The following TLL1 variants were observed in gnomAD, a reference collection of about 807,000 sequenced individuals.
TLL1 encodes the protein tolloid like 1.
In TLL1, 49 loss-of-function variants were observed where a neutral mutation model predicts 128.2. The ratio of observed to expected loss-of-function variants is 0.38; its 90% confidence interval spans 0.30 to 0.48. The LOEUF (loss-of-function observed/expected upper bound fraction) is 0.48. Among genes scored for constraint, TLL1 ranks in the 20% least tolerant of loss-of-function variants. TLL1 has a pLI of 0.96. For missense variants in TLL1, 1,123 were observed against 1,242.0 expected (o/e 0.90, Z 1.44); for synonymous variants, 454 against 418.8 (o/e 1.08, Z -1.03).
At chr4:166,012,639 C>T (rs1393857) in intron 7 of TLL1, among the ~76,000 whole-genome samples, 27,896 of 151,616 alleles carry the variant, frequency 0.18, 2,898 homozygotes, top group East Asian at 0.37. Flanking sequence ...ACTCATGCCT[C>T]AAGTTACAAG....
At chr4:165,991,898 G>A (rs1736651933) in intron 2 of TLL1, among the ~76,000 whole-genome samples, 1 of 151,880 alleles carries the variant, frequency 6.6e-6, no homozygotes, top group African/African-American at 2.4e-5. Context: ...GTTGTTTGCT[G>A]AATGATAACT....
At chr4:165,981,441 G>A (rs1029838960) in intron 1 of TLL1, among the ~76,000 whole-genome samples, 1 of 152,068 alleles carries the variant, frequency 6.6e-6, no homozygotes, top group Non-Finnish European at 1.5e-5. Flanking sequence ...TAAGCTTTGA[G>A]TCAAAGTATG....
chr4:165,945,213 A>G (rs562043290), intron 1 of TLL1, among the ~76,000 whole-genome samples: 6 of 152,272 alleles, frequency 3.9e-5, no homozygotes, highest in South Asian at 4.1e-4. Flanking sequence ...TCTTGGCAAG[A>G]GAAGTTTTAG....
intron 9 of TLL1, chr4:166,030,824 TA>T: frequency 8.8e-6 from 9 of 1,022,448 alleles, no homozygotes; most frequent in Non-Finnish European, 1.1e-5. Context: ...CATTATAGAT[TA>T]TTTTTTAAAT....
At chr4:165,977,199 A>G (rs1029483842) in intron 1 of TLL1, among the ~76,000 whole-genome samples, 3 of 152,148 alleles carry the variant, frequency 2.0e-5, no homozygotes, top group African/African-American at 7.2e-5. Context: ...CACAATCTCC[A>G]CATGTCGAGG....
chr4:166,045,040 C>A (rs1739402375), intron 12 of TLL1, among the ~76,000 whole-genome samples: 1 of 152,126 alleles, frequency 6.6e-6, no homozygotes, highest in South Asian at 2.1e-4. Context: ...TAGAACCATG[C>A]CTGACACACA....
chr4:166,033,831 C>T (rs12642792), intron 9 of TLL1, among the ~76,000 whole-genome samples: 17,927 of 152,046 alleles, frequency 0.12, 1,174 homozygotes, highest in East Asian at 0.27. Flanking sequence ...CTGATAGAAG[C>T]GCATGGTATT....
chr4:166,019,268 G>A (rs183930050), intron 8 of TLL1, among the ~76,000 whole-genome samples: 5 of 152,098 alleles, frequency 3.3e-5, no homozygotes, highest in African/African-American at 7.2e-5. Context: ...ACACATGAAC[G>A]TAAACATGGA....
chr4:166,025,258 G>A (rs1738437398), intron 8 of TLL1, 58 bp from the exon 9 acceptor site: 1 of 1,261,538 alleles, frequency 7.9e-7, no homozygotes, highest in Admixed American at 1.7e-5. Flanking sequence ...CTTTGTTTAT[G>A]ATATTCACGT....
chr4:165,963,054 C>CAAAAAAAAAAAAA lies in TLL1; in HGVS notation c.170-26313_170-26301dup, dbSNP rs869191830. Among the ~76,000 whole-genome samples the CAAAAAAAAAAAAA allele has an allele frequency of 6.0e-4, 11 of 18,332 alleles. 1 individual carries two copies. Among genetic ancestry groups the CAAAAAAAAAAAAA allele is most frequent in the African/African-American group, 1.4e-3 (10 of 6,996 alleles). 12.0% of individuals were successfully genotyped at this position (18,332 alleles called of 152,430 possible). On this transcript the variant is annotated intron_variant, in intron 1 of 20. Transcript: ENST00000061240. Reference sequence around the variant, plus strand: ...TGGGTGACAGAGCGAGGCTCTGTCTCAAAAAAAAAAAAAAAAAAAAAAAAA... The same window carrying CAAAAAAAAAAAAA: ...TGGGTGACAGAGCGAGGCTCTGTCTCAAAAAAAAAAAAAAAAAAAAAAAAAAAAAAAAAAAAAA...
chr4:166,024,128 G>T (rs1403477030), intron 8 of TLL1, among the ~76,000 whole-genome samples: 2 of 152,090 alleles, frequency 1.3e-5, no homozygotes, highest in Non-Finnish European at 2.9e-5. Context: ...TTGTCCCAAA[G>T]TTGCTTTTGT....
rs1464033675 is a variant in TLL1 at position 165,995,158 on chromosome 4, A to G, written c.612A>G (p.Val204=). 3 of 1,613,508 alleles carry G rather than the reference A, an allele frequency of 1.9e-6. No individual in the cohort carries two copies. The highest frequency in any genetic ancestry group is 2.5e-6 in the Non-Finnish European group (3 of 1,179,452). The part of the protein sequence containing the change: ...IERSDEESYI[V]FTYRPCGCCS... The stretch of plus-strand genomic sequence containing the variant: ...GAAGTGATGAAGAGAGTTACATTGT[A>G]TTCACCTATAGGCCTTGTGGGTAAG... Residue 204 remains valine, a synonymous_variant, in exon 5 of 21, where the codon GTA becomes GTG. Transcript: ENST00000061240.
chr4:165,904,446 C>T (rs768742493), intron 1 of TLL1, among the ~76,000 whole-genome samples: 15 of 152,090 alleles, frequency 9.9e-5, no homozygotes, highest in South Asian at 2.1e-4. Context: ...TAAACTTTAT[C>T]GATATGAAGG....
chr4:166,100,621 G>C, intron 20 of TLL1, 121 bp from the exon 21 acceptor site: 3 of 1,329,218 alleles, frequency 2.3e-6, no homozygotes, highest in Non-Finnish European at 3.2e-6. Context: ...TACTCTCCAA[G>C]GTTGTTGGGA....
rs1271648714 is a variant in TLL1, at chr4:165,942,674, T to C, written c.170-46707T>C. On this transcript the variant is annotated intron_variant, in intron 1 of 20. Transcript: ENST00000061240. ...TGTGGAATTTGAACAAATTATTTATTTTTAGCTTCTGCTTCTTCCATTGTA... is the reference window on the plus strand; with the variant it reads ...TGTGGAATTTGAACAAATTATTTATCTTTAGCTTCTGCTTCTTCCATTGTA... Among the ~76,000 whole-genome samples the C allele has an allele frequency of 7.3e-5, 11 of 150,974 alleles. No homozygotes were observed. In the Admixed American group the frequency reaches 7.3e-4, roughly 10 times the overall value.
chr4:165,966,792 T>C (rs1735401243), intron 1 of TLL1, among the ~76,000 whole-genome samples: 1 of 151,862 alleles, frequency 6.6e-6, no homozygotes, highest in Non-Finnish European at 1.5e-5. Context: ...ACAAGGCAAA[T>C]GGGGGCAGAG....
intron 17 of TLL1, among the ~76,000 whole-genome samples, chr4:166,077,092 C>T (rs1741068196): frequency 6.6e-6 from 1 of 151,846 alleles, no homozygotes; most frequent in African/African-American, 2.4e-5. Context: ...ACAAATAATC[C>T]CAGTCTAAAC....
intron 1 of TLL1, among the ~76,000 whole-genome samples, chr4:165,975,180 A>G (rs1735818598): frequency 1.3e-5 from 2 of 152,178 alleles, no homozygotes. Flanking sequence ...TTTTCAGCCA[A>G]GAGAGCTGAC....
chr4:166,003,580 T>C lies in TLL1; in HGVS notation c.811+11T>C. The C allele has an allele frequency of 6.2e-7, 1 of 1,613,730 alleles. No individual in the cohort carries two copies. ...AAAACATCCAGCCAGGTGAGAGGCA[T>C]AGAATGTGTTGGGTTTAAGGCTGAC... On this transcript the variant is annotated intron_variant, in intron 6 of 20. Transcript: ENST00000061240.
Sources: allele counts gnomAD v4.1 joint callset (sites outside exome capture counted in the v4.1 genomes callset), GRCh38; gene constraint gnomAD v4.1.1; transcripts MANE v1.5; gene names NCBI Gene and HGNC (gene_info 2026-07-23, HGNC 2026-07-21).